The following ARID4B variants were observed in gnomAD, a reference collection of about 807,000 sequenced individuals.
The protein encoded by ARID4B is AT-rich interactive domain-containing protein 4B.
A neutral mutation model predicts 147.5 loss-of-function variants in ARID4B; 26 were observed. That is an observed-to-expected ratio of 0.18 (90% CI 0.13 to 0.24). The LOEUF is 0.24. Among genes scored for constraint, ARID4B ranks in the 10% least tolerant of loss-of-function variants. The pLI is 1.00. For synonymous variants in ARID4B, 512 were observed against 507.9 expected (o/e 1.01, Z -0.11); for missense variants, 1,179 against 1,511.5 (o/e 0.78, Z 3.65).
chr1:235,308,504 A>T (rs897135566), intron 2 of ARID4B, among the ~76,000 whole-genome samples: 1 of 107,402 alleles, frequency 9.3e-6, no homozygotes, highest in African/African-American at 3.7e-5. Flanking sequence ...CTCTCTTTCC[A>T]CGGTCTCCCT....
At chr1:235,295,539 C>G (rs1390257766) in intron 2 of ARID4B, among the ~76,000 whole-genome samples, 1 of 141,072 alleles carries the variant, frequency 7.1e-6, no homozygotes, top group South Asian at 2.3e-4. Context: ...AGGCCAGGCA[C>G]GGAGGCTCAC....
At chr1:235,200,362 G>A (rs1414313280) in intron 17 of ARID4B, among the ~76,000 whole-genome samples, 1 of 152,180 alleles carries the variant, frequency 6.6e-6, no homozygotes, top group Admixed American at 6.5e-5. Flanking sequence ...GGGATGCTGA[G>A]GCAGGAGAAG....
chr1:235,199,797 T>C (rs1665761922), intron 17 of ARID4B, among the ~76,000 whole-genome samples: 1 of 152,194 alleles, frequency 6.6e-6, no homozygotes. Flanking sequence ...CAGACAAGTA[T>C]TTCAAAACCT....
In ARID4B at chr1:235,182,123, C is replaced by T; in HGVS notation, c.2796G>A (p.Gln932=). The change falls in exon 20 of 24, where the codon CAG becomes CAA. Residue 932 remains glutamine (Q), a synonymous_variant. Coordinates refer to ENST00000264183, the MANE Select transcript of ARID4B (RefSeq NM_016374.6). ...KDRKDVWSSI[Q]GQWPKKTLKE... ...TCAGCGTTTTTTTAGGCCACTGTCC[C>T]TGAATACTTGACCAGACATCTTTTC... 1.2e-6 allele frequency: 2 copies of T among 1,614,166 alleles called. No individual in the cohort carries two copies. The highest frequency in any genetic ancestry group is 1.7e-6 in the Non-Finnish European group (2 of 1,180,030).
At chr1:235,314,008 G>A (rs1174903982) in intron 2 of ARID4B, among the ~76,000 whole-genome samples, 5 of 151,994 alleles carry the variant, frequency 3.3e-5, no homozygotes, top group Non-Finnish European at 5.9e-5. Flanking sequence ...TCTTTCTACC[G>A]AACTAATAAT....
At chr1:235,230,343 G>C (rs1321710505) in intron 10 of ARID4B, among the ~76,000 whole-genome samples, 1 of 151,708 alleles carries the variant, frequency 6.6e-6, no homozygotes, top group Non-Finnish European at 1.5e-5. Context: ...GAACCCGGGA[G>C]GTGGAGGGTG....
At chr1:235,249,770 T>C (rs2103091003) in intron 6 of ARID4B, among the ~76,000 whole-genome samples, 1 of 149,422 alleles carries the variant, frequency 6.7e-6, no homozygotes, top group East Asian at 2.0e-4. Context: ...TGAAACCCCG[T>C]CTCTACTAAA....
intron 3 of ARID4B, among the ~76,000 whole-genome samples, chr1:235,258,326 C>T (rs944697573): frequency 2.0e-5 from 3 of 151,998 alleles, no homozygotes; most frequent in East Asian, 1.9e-4. Flanking sequence ...GGCAAGACTC[C>T]GTCTCAAAAG....
At chr1:235,311,399 A>AATAATT (rs1408420734) in intron 2 of ARID4B, among the ~76,000 whole-genome samples, 7 of 135,278 alleles carry the variant, frequency 5.2e-5, no homozygotes, top group Admixed American at 3.1e-4. Context: ...TAATAATAAT[A>AATAATT]ATTCATAGGA....
At chr1:235,183,753 G>C (rs1664481663) in intron 19 of ARID4B, among the ~76,000 whole-genome samples, 1 of 140,138 alleles carries the variant, frequency 7.1e-6, no homozygotes, top group Non-Finnish European at 1.5e-5. Context: ...TTCCCTCCCT[G>C]CCTCCCTTCC....
chr1:235,210,104 A>G (rs1298863207), intron 17 of ARID4B, among the ~76,000 whole-genome samples: 5 of 151,970 alleles, frequency 3.3e-5, no homozygotes, highest in African/African-American at 1.2e-4. Flanking sequence ...ATGCACACCT[A>G]GAGTCCCACC....
chr1:235,255,265 A>AGACAGATC (rs1239708915), intron 5 of ARID4B, among the ~76,000 whole-genome samples: 1 of 64,582 alleles, frequency 1.5e-5, no homozygotes, highest in Non-Finnish European at 3.3e-5. Context: ...ATAGATAGAT[A>AGACAGATC]TATATCTCTC....
intron 20 of ARID4B, chr1:235,180,662 A>G (rs1664253797): frequency 6.6e-6 from 1 of 152,192 alleles, no homozygotes; most frequent in Non-Finnish European, 1.5e-5. Context: ...TTAAGTCAAG[A>G]TTCCTGAGAA....
At chr1:235,220,794 T>C (rs936275866) in intron 14 of ARID4B, among the ~76,000 whole-genome samples, 1 of 152,162 alleles carries the variant, frequency 6.6e-6, no homozygotes, top group Admixed American at 6.5e-5. Flanking sequence ...ATAGCATCTA[T>C]TTTTTGCACA....
chr1:235,295,517 TA>T (rs1039816071), intron 2 of ARID4B, among the ~76,000 whole-genome samples: 206 of 81,778 alleles, frequency 2.5e-3, no homozygotes, highest in Admixed American at 2.8e-3. Context: ...CATCTCAATT[TA>T]AAAAAAAAAA....
At chr1:235,281,571 T>C (rs192608446) in intron 2 of ARID4B, among the ~76,000 whole-genome samples, 133 of 152,000 alleles carry the variant, frequency 8.8e-4, no homozygotes, top group Middle Eastern at 3.4e-3. Context: ...CTGAGCGTGG[T>C]AGCCCATGCC....
At chr1:235,295,255 A>AT (rs1255994859) in intron 2 of ARID4B, among the ~76,000 whole-genome samples, 3 of 152,206 alleles carry the variant, frequency 2.0e-5, no homozygotes, top group African/African-American at 7.2e-5. Flanking sequence ...CACGCCTGTA[A>AT]TCCCACCACT....
chr1:235,297,165 AAG>A (rs377397817), intron 2 of ARID4B, among the ~76,000 whole-genome samples: 140 of 152,274 alleles, frequency 9.2e-4, no homozygotes, highest in African/African-American at 3.2e-3. Flanking sequence ...CAATATTCAA[AAG>A]AACACAGGAA....
chr1:235,214,609 T>C (rs1666931247), intron 16 of ARID4B, among the ~76,000 whole-genome samples: 1 of 152,120 alleles, frequency 6.6e-6, no homozygotes, highest in Admixed American at 6.6e-5. Context: ...ATAACTGAAA[T>C]ACTATTTTAA....
Sources: gnomAD v4.1 joint callset for allele counts (sites outside exome capture counted in the v4.1 genomes callset) on GRCh38, gnomAD v4.1.1 for gene constraint, MANE v1.5 for transcripts, NCBI Gene and HGNC (gene_info 2026-07-23, HGNC 2026-07-21) for gene names.